The following MECOM variants were observed in gnomAD, a reference collection of about 807,000 sequenced individuals.
MECOM encodes the protein MDS1 and EVI1 complex locus.
In MECOM, 13 loss-of-function variants were observed where a neutral mutation model predicts 116.3. The ratio of observed to expected loss-of-function variants is 0.11; its 90% CI spans 0.07 to 0.18. The LOEUF (loss-of-function observed/expected upper bound fraction) is 0.18. Among genes scored for constraint, MECOM ranks in the 10% least tolerant of loss-of-function variants. The probability of loss-of-function intolerance (pLI) is 1.00; values close to 1 mark genes in which losing one functional copy is unlikely to be tolerated. For synonymous variants in MECOM, 528 were observed against 535.2 expected, an observed-to-expected ratio of 0.99 and a Z score of 0.19; for missense variants, 1,299 against 1,509.0, an observed-to-expected ratio of 0.86 and a Z score of 2.31.
Position 169,470,582 on chromosome 3 carries a change from AC to A in MECOM, c.38-89059del, listed in dbSNP as rs1226768683. On this transcript the variant is annotated intron_variant, in intron 1 of 16. Coordinates refer to ENST00000651503, the MANE Select transcript of MECOM (RefSeq NM_004991.4). Reference sequence around the variant, plus strand: ...GGTACAGGTGTATGAGGGGGAGGGGACAGGCAAGAGGGAAGAAAGTGATATG... The same window carrying A: ...GGTACAGGTGTATGAGGGGGAGGGGAAGGCAAGAGGGAAGAAAGTGATATG... Among the ~76,000 whole-genome samples, 3 of 152,268 alleles carry A rather than the reference AC, an allele frequency of 2.0e-5. No individual in the cohort carries two copies. In the East Asian group the frequency reaches 5.8e-4, roughly 29 times the overall value.
At chr3:169,574,137 C>T (rs1254034068) in intron 1 of MECOM, among the ~76,000 whole-genome samples, 2 of 151,912 alleles carry the variant, frequency 1.3e-5, no homozygotes, top group African/African-American at 2.4e-5. Flanking sequence ...TGAGGGCTAC[C>T]TGAAAAGCCT....
At chr3:169,109,076 A>G (rs1477490988) in intron 9 of MECOM, among the ~76,000 whole-genome samples, 3 of 152,196 alleles carry the variant, frequency 2.0e-5, no homozygotes, top group Non-Finnish European at 1.5e-5. Context: ...CAAATGGGCT[A>G]TCAGTGTGAA....
intron 1 of MECOM, among the ~76,000 whole-genome samples, chr3:169,654,471 T>C (rs1464399769): frequency 5.3e-5 from 8 of 152,176 alleles, no homozygotes; most frequent in Admixed American, 5.2e-4. Context: ...GGACATTACA[T>C]CTGGACTCTC....
chr3:169,638,351 G>A (rs943847188), intron 1 of MECOM, among the ~76,000 whole-genome samples: 1 of 151,924 alleles, frequency 6.6e-6, no homozygotes, highest in Admixed American at 6.6e-5. Context: ...CCCTTTGTGT[G>A]ACCCTCATGA....
intron 2 of MECOM, chr3:169,147,191 T>G: frequency 1.0e-6 from 1 of 985,378 alleles, no homozygotes; most frequent in Non-Finnish European, 1.2e-6. Flanking sequence ...AACTTCTACT[T>G]CTCCTTCCCA....
rs1006322527 is a variant in MECOM, at chr3:169,115,299, T to C, written c.2489+84A>G. 66 of 1,339,256 alleles carry C rather than the reference T, an allele frequency of 4.9e-5. No homozygotes were observed. The Middle Eastern group carries it at 6.7e-4, about 14-fold the overall frequency. The allele number at this position is 1,339,256 out of a possible 1,614,324, so 83.0% of individuals were successfully genotyped here. The stretch of plus-strand genomic sequence containing the variant: ...TGTTTTATAATAATAGTAAAAATGA[T>C]GTGTTAAAAAGCCATCACTTTACAG... On this transcript the variant is annotated intron_variant, in intron 8 of 16. Coordinates refer to ENST00000651503, the MANE Select transcript of MECOM (RefSeq NM_004991.4).
At chr3:169,123,281 T>C (rs777644035) in intron 5 of MECOM, among the ~76,000 whole-genome samples, 2 of 149,948 alleles carry the variant, frequency 1.3e-5, no homozygotes, top group Admixed American at 6.7e-5. Flanking sequence ...ATGGATGGAC[T>C]GATGCATGGA....
intron 2 of MECOM, among the ~76,000 whole-genome samples, chr3:169,192,654 C>A (rs1399095152): frequency 6.6e-6 from 1 of 151,950 alleles, no homozygotes; most frequent in African/African-American, 2.4e-5. Context: ...TAAACAAGTC[C>A]AACTCACCAA....
intron 1 of MECOM, among the ~76,000 whole-genome samples, chr3:169,547,103 T>C (rs1760809300): frequency 6.6e-6 from 1 of 152,208 alleles, no homozygotes; most frequent in Admixed American, 6.5e-5. Context: ...TCCCCAGTGT[T>C]GAGGGAGGAA....
At chr3:169,589,931 T>A (rs1766208187) in intron 1 of MECOM, among the ~76,000 whole-genome samples, 1 of 152,214 alleles carries the variant, frequency 6.6e-6, no homozygotes, top group Admixed American at 6.5e-5. Context: ...AGACACCAAT[T>A]GAGCCAACTT....
intron 1 of MECOM, among the ~76,000 whole-genome samples, chr3:169,385,968 G>A (rs1196328928): frequency 6.6e-6 from 1 of 152,096 alleles, no homozygotes; most frequent in African/African-American, 2.4e-5. Context: ...GCATCCTTTA[G>A]GCATGTCATT....
At chr3:169,126,803 T>A (rs1733027577) in intron 5 of MECOM, among the ~76,000 whole-genome samples, 1 of 151,592 alleles carries the variant, frequency 6.6e-6, no homozygotes, top group Non-Finnish European at 1.5e-5. Context: ...GGGCTAAACA[T>A]GAGGTGAAAA....
chr3:169,631,569 T>C (rs1329615147), intron 1 of MECOM, among the ~76,000 whole-genome samples: 1 of 150,788 alleles, frequency 6.6e-6, no homozygotes, highest in East Asian at 2.0e-4. Flanking sequence ...CATTAACTCG[T>C]CATTTAGCAT....
chr3:169,183,404 T>G (rs539045829), intron 2 of MECOM, among the ~76,000 whole-genome samples: 1 of 152,210 alleles, frequency 6.6e-6, no homozygotes, highest in Admixed American at 6.5e-5. Flanking sequence ...CACTTTACTA[T>G]TGTAAGAATC....
chr3:169,661,351 A>T (rs555464277), intron 1 of MECOM, among the ~76,000 whole-genome samples: 3 of 141,914 alleles, frequency 2.1e-5, no homozygotes, highest in African/African-American at 5.2e-5. Context: ...CCTTTAGTCC[A>T]AATCGAAGCC....
chr3:169,467,187 T>C (rs971983865), intron 1 of MECOM: 2 of 152,200 alleles, frequency 1.3e-5, no homozygotes, highest in Non-Finnish European at 2.9e-5. Context: ...ATAATTATTA[T>C]TGAAATAACC....
chr3:169,578,514 C>A (rs1304561500), intron 1 of MECOM, among the ~76,000 whole-genome samples: 1 of 152,040 alleles, frequency 6.6e-6, no homozygotes, highest in Non-Finnish European at 1.5e-5. Flanking sequence ...TAAACTCAAG[C>A]CAGTGGATGA....
chr3:169,486,675 A>G (rs1026172624), intron 1 of MECOM, among the ~76,000 whole-genome samples: 3 of 152,138 alleles, frequency 2.0e-5, no homozygotes, highest in African/African-American at 7.2e-5. Context: ...GGGATTTAGG[A>G]TTGGAATAGA....
intron 2 of MECOM, among the ~76,000 whole-genome samples, chr3:169,195,263 G>A (rs1302650747): frequency 6.6e-6 from 1 of 152,062 alleles, no homozygotes; most frequent in East Asian, 1.9e-4. Flanking sequence ...CTGTCCAGGT[G>A]GATCAATGCT....
Sources: gnomAD v4.1 joint callset for allele counts (sites outside exome capture counted in the v4.1 genomes callset) on GRCh38, gnomAD v4.1.1 for gene constraint, MANE v1.5 for transcripts, NCBI Gene and HGNC (gene_info 2026-07-23, HGNC 2026-07-21) for gene names.